Variants in PTPRD observed in about 807,000 individuals in gnomAD.
PTPRD encodes the protein receptor-type tyrosine-protein phosphatase delta.
In PTPRD, 34 loss-of-function variants were observed where a neutral mutation model predicts 214.5. That is an observed-to-expected ratio of 0.16 (90% CI 0.12 to 0.21). The LOEUF (loss-of-function observed/expected upper bound fraction) is 0.21, where lower values mean the gene tolerates loss of function less well. Among genes scored for constraint, PTPRD ranks in the 10% least tolerant of loss-of-function variants. The pLI, the probability that PTPRD is intolerant of heterozygous loss-of-function variation, is 1.00. For synonymous variants in PTPRD, 1,128 were observed against 845.7 expected, an observed-to-expected ratio of 1.33 and a Z score of -5.79; for missense variants, 2,545 against 2,398.7, an observed-to-expected ratio of 1.06 and a Z score of -1.27.
chr9:8,845,282 G>C (rs1277906360), intron 11 of PTPRD, among the ~76,000 whole-genome samples: 1 of 152,176 alleles, frequency 6.6e-6, no homozygotes, highest in Non-Finnish European at 1.5e-5. Flanking sequence ...TTGTCAAGAG[G>C]TTATCTCCTT....
At chr9:9,722,910 T>C (rs922619869) in intron 7 of PTPRD, among the ~76,000 whole-genome samples, 13 of 152,098 alleles carry the variant, frequency 8.5e-5, no homozygotes, top group African/African-American at 3.1e-4. Flanking sequence ...TATGTTTGAG[T>C]TGAGCTCTTT....
rs141311926 is a variant in PTPRD at position 9,848,684 on chromosome 9, C to T, written c.-367-81833G>A. ...TAAAGAGATTTAGAAGAAAATATAT[C>T]ACACAAAATAGATAAATATCAAATA... On this transcript the variant is annotated intron_variant, in intron 5 of 45. Transcript: ENST00000381196. Among the ~76,000 whole-genome samples, 228 of 152,086 alleles carry T rather than the reference C, an allele frequency of 1.5e-3. 5 individuals are homozygous for T. In the East Asian group the frequency reaches 0.038, roughly 25 times the overall value.
chr9:9,402,795 G>A (rs1279988699), intron 8 of PTPRD, among the ~76,000 whole-genome samples: 1 of 151,574 alleles, frequency 6.6e-6, no homozygotes, highest in East Asian at 1.9e-4. Context: ...AATTGAAACT[G>A]AGTAAATAAA....
At chr9:9,561,434 G>A (rs1380755338) in intron 8 of PTPRD, among the ~76,000 whole-genome samples, 4 of 152,164 alleles carry the variant, frequency 2.6e-5, no homozygotes, top group East Asian at 1.9e-4. Context: ...CATATTTGAC[G>A]CAGAATAAAT....
intron 33 of PTPRD, 157 bp from the exon 34 acceptor site, chr9:8,449,994 C>T (rs2095873136): frequency 1.5e-6 from 1 of 665,650 alleles, no homozygotes; most frequent in Non-Finnish European, 2.5e-6. Context: ...GTTGCTTTTC[C>T]CCCCTGGCCT....
chr9:9,019,063 T>C (rs985709628), intron 10 of PTPRD, among the ~76,000 whole-genome samples: 3 of 152,126 alleles, frequency 2.0e-5, no homozygotes, highest in African/African-American at 4.8e-5. Flanking sequence ...TCAAGTATCA[T>C]TCAATAAAAA....
intron 30 of PTPRD, among the ~76,000 whole-genome samples, chr9:8,477,020 G>C (rs891619744): frequency 2.0e-5 from 3 of 151,660 alleles, no homozygotes; most frequent in African/African-American, 7.3e-5. Flanking sequence ...CATTAAGAAA[G>C]ATAAGATGAT....
chr9:9,284,541 T>C (rs1224667888), intron 9 of PTPRD, among the ~76,000 whole-genome samples: 1 of 151,756 alleles, frequency 6.6e-6, no homozygotes, highest in Non-Finnish European at 1.5e-5. Flanking sequence ...TCAGGTCCAT[T>C]CCATGAACAT....
chr9:10,157,646 G>T (rs2099101779), intron 3 of PTPRD, among the ~76,000 whole-genome samples: 1 of 151,934 alleles, frequency 6.6e-6, no homozygotes, highest in Non-Finnish European at 1.5e-5. Context: ...ATCTTACTGG[G>T]TTTCTCGACA....
chr9:9,731,104 T>G (rs1252556021), intron 7 of PTPRD, among the ~76,000 whole-genome samples: 1 of 152,148 alleles, frequency 6.6e-6, no homozygotes. Context: ...TCTGTAAATA[T>G]TTTACCTGCT....
rs139465220 is a variant in PTPRD at position 9,540,597 on chromosome 9, G to A, written c.-237+34135C>T. Among the ~76,000 whole-genome samples the A allele has an allele frequency of 2.1e-4, 32 of 151,894 alleles. 1 individual carries two copies. The East Asian group carries it at 5.2e-3, about 25-fold the overall frequency. ...GAAGTGGCAATAACACATATAAAGT[G>A]GGACTTGAAAGAGGAGACTTCCAGA... is the stretch of plus-strand genomic sequence containing the variant. On this transcript the variant is annotated intron_variant, in intron 8 of 45. Coordinates refer to ENST00000381196, the MANE Select transcript of PTPRD (RefSeq NM_002839.4).
intron 2 of PTPRD, among the ~76,000 whole-genome samples, chr9:10,509,470 C>CT (rs1555449734): frequency 2.2e-5 from 3 of 138,120 alleles, no homozygotes; most frequent in African/African-American, 5.7e-5. Flanking sequence ...TTGATTGATC[C>CT]ATCTATCTAT....
chr9:8,838,914 G>A (rs926211389), intron 11 of PTPRD, among the ~76,000 whole-genome samples: 3 of 151,076 alleles, frequency 2.0e-5, no homozygotes, highest in African/African-American at 4.9e-5. Context: ...TAATAAGAGA[G>A]AAAAAAAACC....
At chr9:10,369,365 G>C (rs2097570546) in intron 2 of PTPRD, among the ~76,000 whole-genome samples, 1 of 152,126 alleles carries the variant, frequency 6.6e-6, no homozygotes, top group East Asian at 1.9e-4. Flanking sequence ...CTCATAGCCA[G>C]GCATCTAGTG....
At chr9:10,279,821 G>T (rs1001907628) in intron 3 of PTPRD, among the ~76,000 whole-genome samples, 2 of 152,060 alleles carry the variant, frequency 1.3e-5, no homozygotes, top group African/African-American at 2.4e-5. Context: ...GCCATGAGTA[G>T]TCCTGAATTG....
At chr9:8,455,318 T>G (rs1197335146) in intron 33 of PTPRD, among the ~76,000 whole-genome samples, 1 of 152,244 alleles carries the variant, frequency 6.6e-6, no homozygotes, top group Non-Finnish European at 1.5e-5. Flanking sequence ...ACAGAACATG[T>G]ATTTTCCTAG....
chr9:8,779,125 C>T (rs2095597757), intron 11 of PTPRD, among the ~76,000 whole-genome samples: 2 of 152,136 alleles, frequency 1.3e-5, no homozygotes. Context: ...TCCCTTTATA[C>T]CCTGATGGAA....
At chr9:8,323,683 T>A (rs1207006316) in intron 44 of PTPRD, among the ~76,000 whole-genome samples, 1 of 152,136 alleles carries the variant, frequency 6.6e-6, no homozygotes, top group Non-Finnish European at 1.5e-5. Context: ...AAAACCTGAA[T>A]ACATGAGGAG....
chr9:9,106,132 T>C (rs1381569468), intron 10 of PTPRD, among the ~76,000 whole-genome samples: 1 of 152,102 alleles, frequency 6.6e-6, no homozygotes, highest in East Asian at 1.9e-4. Context: ...TTACTCATCA[T>C]TTTTGTTATC....
Sources: allele counts gnomAD v4.1 joint callset (sites outside exome capture counted in the v4.1 genomes callset), GRCh38; gene constraint gnomAD v4.1.1; transcripts MANE v1.5; gene names NCBI Gene and HGNC (gene_info 2026-07-23, HGNC 2026-07-21).